The following MCTS1 variants were observed in gnomAD, a reference collection of about 807,000 sequenced individuals.
The protein encoded by MCTS1 is malignant T-cell-amplified sequence 1.
For missense variants in MCTS1, 55 were observed against 128.6 expected (o/e 0.43, Z 2.77); for synonymous variants, 26 against 40.8 (o/e 0.64, Z 1.38).
intron 2 of MCTS1, among the ~76,000 whole-genome samples, chrX:120,605,767 C>G (rs1001808127): frequency 2.7e-5 from 3 of 112,049 alleles, no homozygotes; most frequent in African/African-American, 9.7e-5. Context: ...ATTGATTGTT[C>G]TAGTAAAGAG....
chrX:120,611,176 A>G (rs779187678), intron 5 of MCTS1, 98 bp downstream of exon 5: 1 of 686,470 alleles, frequency 1.5e-6, no homozygotes, highest in Non-Finnish European at 2.2e-6. Context: ...TGCATACCAC[A>G]TTACACAAAT....
chrX:120,610,198 T>A (rs1442854199), intron 4 of MCTS1, among the ~76,000 whole-genome samples: 1 of 110,696 alleles, frequency 9.0e-6, no homozygotes, highest in Non-Finnish European at 1.9e-5. Context: ...GGCATGCGCC[T>A]GTAATCCCAT....
At chrX:120,610,934 A>G (rs1043263841) in intron 4 of MCTS1, 77 bp from the exon 5 acceptor site, 111 of 1,064,485 alleles carry the variant, frequency 1.0e-4, no homozygotes, top group Non-Finnish European at 1.4e-4. Flanking sequence ...TAACATGATC[A>G]TTATTTGACA....
chrX:120,604,468 T>A (rs945514386), intron 1 of MCTS1: 12 of 526,809 alleles, frequency 2.3e-5, no homozygotes, highest in African/African-American at 2.1e-4. Context: ...ACTCCCATTG[T>A]TTTTTCTCCT....
At chrX:120,606,267 T>C in intron 3 of MCTS1, 91 bp downstream of exon 3, 2 of 457,533 alleles carry the variant, frequency 4.4e-6, no homozygotes, top group Non-Finnish European at 7.0e-6. Flanking sequence ...TTTAATCAGA[T>C]AAGACACTGC....
rs928370459 is a variant in MCTS1, at chrX:120,617,817, G to A, written c.*5553G>A. Among the ~76,000 whole-genome samples, 4 of 112,473 alleles carry A rather than the reference G, an allele frequency of 3.6e-5. No individual in the cohort carries two copies. The highest frequency in any genetic ancestry group is 2.8e-4 in the Admixed American group (3 of 10,615). On this transcript the variant is annotated 3_prime_UTR_variant, in exon 6 of 6. Transcript: ENST00000371317. ...GTAATTTCTTCTTATTTTCACAAGCGTGTGAGTAAAAGACTGGGTTTTAAG... is the reference window on the plus strand; with the variant it reads ...GTAATTTCTTCTTATTTTCACAAGCATGTGAGTAAAAGACTGGGTTTTAAG...
At chrX:120,611,666 C>G (rs1189388508) in intron 5 of MCTS1, among the ~76,000 whole-genome samples, 3 of 111,752 alleles carry the variant, frequency 2.7e-5, no homozygotes, top group East Asian at 2.8e-4. Flanking sequence ...GTGATCCACC[C>G]ACCTCGGCCT....
chrX:120,618,618 A>C lies in MCTS1; in HGVS notation c.*6354A>C, dbSNP rs1048039601. On this transcript the variant is annotated 3_prime_UTR_variant, in exon 6 of 6. Transcript: ENST00000371317. Reference sequence around the variant, plus strand: ...CAGCTTCATTTAATGGGATAATAGCAATCTCTAACCCATCAAATTAATATC... The same window carrying C: ...CAGCTTCATTTAATGGGATAATAGCCATCTCTAACCCATCAAATTAATATC... Among the ~76,000 whole-genome samples, 5 of 112,563 alleles carry C rather than the reference A, an allele frequency of 4.4e-5. No homozygotes were observed. The highest frequency in any genetic ancestry group is 1.6e-4 in the African/African-American group (5 of 31,034).
In MCTS1 at chrX:120,613,723, T is replaced by C. The variant is rs962951885; in HGVS notation, c.*1459T>C. ...TTCAGGTTCAGTTTTTTTAGTGCCT[T>C]CTTTTGAGTAAAGTCATACCAAACA... On this transcript the variant is annotated 3_prime_UTR_variant, in exon 6 of 6. Coordinates refer to ENST00000371317, the MANE Select transcript of MCTS1 (RefSeq NM_014060.3). 6.3e-5 allele frequency among the ~76,000 whole-genome samples: 7 copies of C among 111,870 alleles called. No individual in the cohort carries two copies. Among genetic ancestry groups the C allele is most frequent in the Non-Finnish European group, 1.1e-4 (6 of 53,198 alleles).
chrX:120,609,700 ATATT>A (rs1926633823), intron 4 of MCTS1, among the ~76,000 whole-genome samples: 1 of 111,655 alleles, frequency 9.0e-6, no homozygotes, highest in South Asian at 3.7e-4. Context: ...TTTGTTTTTA[ATATT>A]TATTAAGTGT....
At chrX:120,612,110 GA>G in intron 5 of MCTS1, 72 bp from the exon 6 acceptor site, 1 of 765,085 alleles carries the variant, frequency 1.3e-6, no homozygotes, top group South Asian at 2.3e-5. Flanking sequence ...AATATACTTT[GA>G]ATTATATTTA....
chrX:120,604,773 TA>T, intron 1 of MCTS1: 1 of 1,122,708 alleles, frequency 8.9e-7, no homozygotes. Flanking sequence ...CTATTCAGTG[TA>T]AGGAAGACAA....
chrX:120,604,539 A>G (rs1926480806), intron 1 of MCTS1: 3 of 614,550 alleles, frequency 4.9e-6, no homozygotes, highest in Admixed American at 4.4e-5. Context: ...GGTTCTACCA[A>G]TCACATCCGT....
At chrX:120,609,297 C>A (rs939325705) in intron 4 of MCTS1, among the ~76,000 whole-genome samples, 1 of 111,424 alleles carries the variant, frequency 9.0e-6, no homozygotes, top group Non-Finnish European at 1.9e-5. Flanking sequence ...ATTCTCCTGC[C>A]TCAGCCCCTC....
In MCTS1 at chrX:120,614,028, G is replaced by A. The variant is rs935238111; in HGVS notation, c.*1764G>A. ...TGGATACAGACATATACAAGATTGT[G>A]GTGACCTGTGTTACAGTTAGAAGTT... On this transcript the variant is annotated 3_prime_UTR_variant, in exon 6 of 6. Transcript: ENST00000371317. Among the ~76,000 whole-genome samples, 7 of 112,258 alleles carry A rather than the reference G, an allele frequency of 6.2e-5. No homozygotes were observed. The highest frequency in any genetic ancestry group is 1.9e-4 in the African/African-American group (6 of 30,885).
rs1926503021 is a variant in MCTS1 at position 120,605,270 on chromosome X, A to T, written c.12-137A>T. The T allele has an allele frequency of 2.5e-5, 14 of 566,764 alleles. 1 individual carries two copies. The highest frequency in any genetic ancestry group is 2.0e-4 in the East Asian group (5 of 24,404). 46.7% of individuals were successfully genotyped at this position (566,764 alleles called of 1,213,427 possible). ...TAAAAGGGAGATGGTATTTTTTTTT[A>T]AAAGAACAATTTATTTCATAATTAA... On this transcript the variant is annotated intron_variant, in intron 1 of 5. Coordinates refer to ENST00000371317, the MANE Select transcript of MCTS1 (RefSeq NM_014060.3).
chrX:120,609,677 T>TTTG (rs1276289559), intron 4 of MCTS1, among the ~76,000 whole-genome samples: 1 of 111,866 alleles, frequency 8.9e-6, no homozygotes, highest in Non-Finnish European at 1.9e-5. Flanking sequence ...GGACGGGTTT[T>TTTG]TTGTTGTTGT....
At position 120,611,055 on chromosome X, in the gene MCTS1, C is replaced by T; in HGVS notation, c.441C>T (p.Val147=). The change falls in exon 5 of 6, where the codon GTC becomes GTT. Residue 147 remains valine, a synonymous_variant. Transcript: ENST00000371317. ...EGKQHALCVG[V]MKMSAEDIEK... is the part of the protein sequence containing the mutation. The stretch of plus-strand genomic sequence containing the variant: ...AACAGCATGCTCTATGTGTTGGAGT[C>T]ATGAAGATGTCTGCAGAAGACATGT... 1 of 1,211,414 alleles carries T rather than the reference C, an allele frequency of 8.3e-7. No individual in the cohort carries two copies. The highest frequency in any genetic ancestry group is 1.1e-6 in the Non-Finnish European group (1 of 895,045).
intron 4 of MCTS1, chrX:120,610,802 A>G (rs1926667877): frequency 1.4e-5 from 5 of 346,654 alleles, no homozygotes. Context: ...GGGTTATTAG[A>G]TTTATTCATT....
Sources: allele counts gnomAD v4.1 joint callset (sites outside exome capture counted in the v4.1 genomes callset), GRCh38; gene constraint gnomAD v4.1.1; transcripts MANE v1.5; gene names NCBI Gene and HGNC (gene_info 2026-07-23, HGNC 2026-07-21).